Variants in ZNF536 observed in about 807,000 individuals in gnomAD.
ZNF536 encodes the protein zinc finger protein 536.
ZNF536 carries 13 observed loss-of-function variants against 84.5 expected under a neutral mutation model. The ratio of observed to expected loss-of-function variants is 0.15; its 90% CI spans 0.10 to 0.24. The LOEUF (loss-of-function observed/expected upper bound fraction) is 0.24. Ranked by LOEUF, ZNF536 falls within the 10% of genes least tolerant of loss-of-function variation. ZNF536 has a pLI of 1.00. For synonymous variants in ZNF536, 811 were observed against 742.5 expected (o/e 1.09, Z -1.50); for missense variants, 1,536 against 1,747.5 (o/e 0.88, Z 2.16).
At chr19:30,258,830 G>A (rs1355790966) in intron 1 of ZNF536, among the ~76,000 whole-genome samples, 1 of 151,858 alleles carries the variant, frequency 6.6e-6, no homozygotes, top group Non-Finnish European at 1.5e-5. Context: ...CGATTCTCCT[G>A]CCTCAGCCTC....
Position 30,446,011 on chromosome 19 carries a change from C to G in ZNF536, c.2170+279C>G, listed in dbSNP as rs375972224. Among the ~76,000 whole-genome samples, 359 of 152,090 alleles carry G rather than the reference C, an allele frequency of 2.4e-3. 3 individuals are homozygous for G. The highest frequency in any genetic ancestry group is 8.3e-3 in the African/African-American group (346 of 41,524). On this transcript the variant is annotated intron_variant, in intron 2 of 4. Transcript: ENST00000355537. ...GCCTGTAATCCCAGCACTTTGGGCG[C>G]CCGAGGCCGGTGGATCACTTGAGGC...
chr19:30,580,502 C>G (rs1011167871), intron 1 of ZNF536, among the ~76,000 whole-genome samples: 2 of 152,096 alleles, frequency 1.3e-5, no homozygotes, highest in Non-Finnish European at 2.9e-5. Context: ...AGCAGGGGCT[C>G]TGTCTGTGGA....
intron 2 of ZNF536, among the ~76,000 whole-genome samples, chr19:30,291,893 C>T (rs577811841): frequency 3.9e-5 from 6 of 152,030 alleles, no homozygotes; most frequent in Admixed American, 1.3e-4. Context: ...AATAATATTT[C>T]GTGATACCGG....
chr19:30,450,418 C>A (rs1191718088), intron 2 of ZNF536, among the ~76,000 whole-genome samples: 1 of 152,210 alleles, frequency 6.6e-6, no homozygotes, highest in African/African-American at 2.4e-5. Flanking sequence ...AGGAAAACTG[C>A]CGGAGCAGGC....
chr19:30,436,491 TG>T, intron 1 of ZNF536: 13 of 985,100 alleles, frequency 1.3e-5, no homozygotes, highest in Non-Finnish European at 1.6e-5. Context: ...AAAATGCACT[TG>T]CTCAGCATAG....
chr19:30,531,534 T>A (rs2145883063), intron 2 of ZNF536, among the ~76,000 whole-genome samples: 1 of 152,136 alleles, frequency 6.6e-6, no homozygotes, highest in Admixed American at 6.5e-5. Flanking sequence ...CTTCTAATGA[T>A]CTTGCTGTCT....
At position 30,334,154 on chromosome 19, in the gene ZNF536, G is replaced by A. The variant is rs142015273; in HGVS notation, c.-119-18214G>A. Among the ~76,000 whole-genome samples, 494 of 152,278 alleles carry A rather than the reference G, an allele frequency of 3.2e-3. 1 individual carries two copies. Among genetic ancestry groups the A allele is most frequent in the Middle Eastern group, 0.017 (5 of 294 alleles). Reference sequence around the variant, plus strand: ...AGCAAAAAGAAACAGAAGCAGTTTCGCCAATGGGAAATGAGTGCTTGGGGT... The same window carrying A: ...AGCAAAAAGAAACAGAAGCAGTTTCACCAATGGGAAATGAGTGCTTGGGGT... On this transcript the variant is annotated intron_variant, in intron 2 of 5. Transcript: ENST00000585628.
intron 2 of ZNF536, among the ~76,000 whole-genome samples, chr19:30,525,474 C>T (rs552829810): frequency 3.3e-5 from 5 of 152,296 alleles, no homozygotes; most frequent in South Asian, 2.1e-4. Flanking sequence ...GAGCTGAGGA[C>T]GTCTCGCATG....
chr19:30,617,374 G>A (rs2048339866), intron 1 of ZNF536, among the ~76,000 whole-genome samples: 1 of 42,316 alleles, frequency 2.4e-5, no homozygotes, highest in African/African-American at 5.3e-5. Context: ...TTTATGAGAT[G>A]GAGTCTGACT....
intron 2 of ZNF536, among the ~76,000 whole-genome samples, chr19:30,503,333 T>C (rs1396962955): frequency 6.6e-6 from 1 of 151,934 alleles, no homozygotes; most frequent in East Asian, 1.9e-4. Flanking sequence ...AATAGAAAAA[T>C]GGTCAAAGGA....
At chr19:30,684,303 T>A (rs1296605016) in intron 1 of ZNF536, among the ~76,000 whole-genome samples, 1 of 152,122 alleles carries the variant, frequency 6.6e-6, no homozygotes, top group East Asian at 1.9e-4. Context: ...CCTGGCTAAT[T>A]TTTTTGTGTT....
At chr19:30,523,851 A>C (rs1175898718) in intron 2 of ZNF536, among the ~76,000 whole-genome samples, 1 of 152,212 alleles carries the variant, frequency 6.6e-6, no homozygotes, top group African/African-American at 2.4e-5. Flanking sequence ...GCACCACTGT[A>C]GGCTAAGGAG....
downstream of ZNF536, among the ~76,000 whole-genome samples, chr19:30,562,198 T>C (rs1307327880): frequency 6.6e-6 from 1 of 152,120 alleles, no homozygotes; most frequent in African/African-American, 2.4e-5. Flanking sequence ...CTCTATAGTC[T>C]CCACCACCCT....
At chr19:30,680,195 G>C (rs975919291) in intron 1 of ZNF536, among the ~76,000 whole-genome samples, 4 of 151,732 alleles carry the variant, frequency 2.6e-5, no homozygotes, top group Non-Finnish European at 4.4e-5. Context: ...AGACCCTGCT[G>C]TTCCTTATCT....
At chr19:30,257,808 G>A (rs1218057143) in intron 1 of ZNF536, among the ~76,000 whole-genome samples, 1 of 152,226 alleles carries the variant, frequency 6.6e-6, no homozygotes. Flanking sequence ...ATTGCAACTG[G>A]AGGAGCTGCT....
At chr19:30,647,163 C>G (rs1344058532) in intron 1 of ZNF536, among the ~76,000 whole-genome samples, 3 of 152,156 alleles carry the variant, frequency 2.0e-5, no homozygotes, top group African/African-American at 7.2e-5. Flanking sequence ...TATGATCTCC[C>G]TTTTGTGAAT....
At chr19:30,438,123 TG>T (rs2051839664) in intron 1 of ZNF536, among the ~76,000 whole-genome samples, 1 of 152,122 alleles carries the variant, frequency 6.6e-6, no homozygotes, top group African/African-American at 2.4e-5. Flanking sequence ...CGGGGGTACA[TG>T]TGTATGTTTG....
chr19:30,285,090 T>A (rs1417741114), intron 2 of ZNF536, among the ~76,000 whole-genome samples: 1 of 152,256 alleles, frequency 6.6e-6, no homozygotes, highest in Non-Finnish European at 1.5e-5. Flanking sequence ...GGGCTGTCAG[T>A]GCCGTTGGCA....
At chr19:30,337,737 C>A (rs1483055267) in intron 2 of ZNF536, among the ~76,000 whole-genome samples, 2 of 152,200 alleles carry the variant, frequency 1.3e-5, no homozygotes, top group East Asian at 1.9e-4. Flanking sequence ...ATTGCATAAC[C>A]TTTCTGAGCC....
Sources: gnomAD v4.1 joint callset for allele counts (sites outside exome capture counted in the v4.1 genomes callset) on GRCh38, gnomAD v4.1.1 for gene constraint, MANE v1.5 for transcripts, NCBI Gene and HGNC (gene_info 2026-07-23, HGNC 2026-07-21) for gene names.